CYP26A1: variants seen among roughly 807,000 people sequenced by gnomAD.
CYP26A1 encodes cytochrome P450 family 26 subfamily A member 1.
A neutral mutation model predicts 47.4 loss-of-function variants in CYP26A1; 46 were observed. The observed-to-expected ratio is 0.97, with a 90% CI of 0.77 to 1.24. The LOEUF is 1.24. Among genes scored for constraint, CYP26A1 ranks in the 50% most tolerant of loss-of-function variants. CYP26A1 has a pLI of 0.00. For missense variants in CYP26A1, 680 were observed against 644.4 expected (o/e 1.06, Z -0.60); for synonymous variants, 277 against 263.7 (o/e 1.05, Z -0.49).
chr10:93,076,095 G>A (rs568289307), intron 5 of CYP26A1, 135 bp downstream of exon 5: 65 of 660,620 alleles, frequency 9.8e-5, no homozygotes, highest in African/African-American at 9.4e-4. Context: ...GCGTGGGCCA[G>A]TGGGCAGAAT....
intron 4 of CYP26A1, chr10:93,075,524 T>C: frequency 1.7e-6 from 1 of 600,492 alleles, no homozygotes. Flanking sequence ...CCCTAGCCTT[T>C]CCAGGTTTCA....
At position 93,074,349 on chromosome 10, in the gene CYP26A1, C is replaced by G. The variant is rs551690765; in HGVS notation, c.231C>G (p.Phe77Leu). 2 of 1,611,338 alleles carry G rather than the reference C, an allele frequency of 1.2e-6. No homozygotes were observed. The highest frequency in any genetic ancestry group is 2.7e-5 in the African/African-American group (2 of 74,994). ...AGATGAAGCGCAGGAAATACGGCTTCATCTACAAGACGCATCTGTTCGGGC... is the reference window on the plus strand; with the variant it reads ...AGATGAAGCGCAGGAAATACGGCTTGATCTACAAGACGCATCTGTTCGGGC... ...FLQMKRRKYG[F>L]IYKTHLFGRP... Residue 77 changes from phenylalanine (F) to leucine (L), a missense_variant, in exon 2 of 7, where the codon TTC becomes TTG. By Grantham distance (22) the Phe-to-Leu change is conservative. Transcript: ENST00000224356. This position sits in a 1 kb window ranked among gnomAD's most constrained non-coding sequence, Gnocchi z 5.3.
chr10:93,075,895 C>T lies in CYP26A1; in HGVS notation c.934C>T (p.Leu312=). 4 of 1,611,036 alleles carry T rather than the reference C, an allele frequency of 2.5e-6. No individual in the cohort carries two copies. The South Asian group carries it at 4.4e-5, about 18-fold the overall frequency. The change falls in exon 5 of 7, where the codon CTG becomes TTG. Residue 312 remains leucine, a synonymous_variant. Coordinates refer to ENST00000224356, the MANE Select transcript of CYP26A1 (RefSeq NM_000783.4). ...HETTASAATS[L]ITYLGLYPHV... Reference sequence around the variant, plus strand: ...AACCACGGCCAGTGCAGCCACATCTCTGATCACTTACCTGGGGCTCTACCC... The same window carrying T: ...AACCACGGCCAGTGCAGCCACATCTTTGATCACTTACCTGGGGCTCTACCC...
chr10:93,074,224 G>C lies in CYP26A1; in HGVS notation c.190-84G>C. The stretch of plus-strand genomic sequence containing the variant: ...AGGCGCCCCCGGGAGGCATGCTATT[G>C]CGGCTAGGAGCAGGGCTGGCGGGAG... On this transcript the variant is annotated intron_variant, in intron 1 of 6. Coordinates refer to ENST00000224356, the MANE Select transcript of CYP26A1 (RefSeq NM_000783.4). This position sits in a 1 kb window ranked among gnomAD's most constrained non-coding sequence, Gnocchi z 5.3. 6.6e-7 allele frequency: 1 copy of C among 1,525,988 alleles called. No homozygotes were observed. The highest frequency in any genetic ancestry group is 8.9e-7 in the Non-Finnish European group (1 of 1,124,854). The allele number at this position is 1,525,988 out of a possible 1,614,324, so 94.5% of individuals were successfully genotyped here.
chr10:93,076,525 T>C lies in CYP26A1; in HGVS notation c.1000-19T>C, dbSNP rs377723638. ...GGAGCACAAAATAACTGTTCACCTCTGTATGACTGTTTTGATAGGGTTTAC... is the reference window on the plus strand; with the variant it reads ...GGAGCACAAAATAACTGTTCACCTCCGTATGACTGTTTTGATAGGGTTTAC... On this transcript the variant is annotated intron_variant, in intron 5 of 6. Coordinates refer to ENST00000224356, the MANE Select transcript of CYP26A1 (RefSeq NM_000783.4). 1.9e-6 allele frequency: 3 copies of C among 1,581,870 alleles called. No individual in the cohort carries two copies. The highest frequency in any genetic ancestry group is 2.6e-6 in the Non-Finnish European group (3 of 1,155,656).
rs1266603639 is a variant in CYP26A1 at position 93,074,335 on chromosome 10, A to G, written c.217A>G (p.Arg73Gly). Residue 73 changes from arginine to glycine, a missense_variant, in exon 2 of 7, where the codon AGG becomes GGG. Transcript: ENST00000224356. This position sits in a 1 kb window ranked among gnomAD's most constrained non-coding sequence, Gnocchi z 5.3. Reference sequence around the variant, plus strand: ...GAGGAAGTTCCTGCAGATGAAGCGCAGGAAATACGGCTTCATCTACAAGAC... The same window carrying G: ...GAGGAAGTTCCTGCAGATGAAGCGCGGGAAATACGGCTTCATCTACAAGAC... Reference protein sequence around the residue: ...QRRKFLQMKRRKYGFIYKTHL... With the variant: ...QRRKFLQMKRGKYGFIYKTHL... The G allele has an allele frequency of 6.2e-7, 1 of 1,608,886 alleles. No individual in the cohort carries two copies. The highest frequency in any genetic ancestry group is 8.5e-7 in the Non-Finnish European group (1 of 1,175,960).
chr10:93,076,508 A>G, intron 5 of CYP26A1, 36 bp from the exon 6 acceptor site: 3 of 1,516,554 alleles, frequency 2.0e-6, no homozygotes, highest in Non-Finnish European at 2.7e-6. Flanking sequence ...TTGGAGCACA[A>G]AATAACTGTT....
In CYP26A1 at chr10:93,074,654, A is replaced by G. The variant is rs1331749296; in HGVS notation, c.414+122A>G. ...TGGGCTAGGACCCTCTGCCAGCTCC[A>G]GGTTAGCTTTCCCAGCTCGGAGAGT... is the stretch of plus-strand genomic sequence containing the variant. On this transcript the variant is annotated intron_variant, in intron 2 of 6. Transcript: ENST00000224356. The surrounding 1 kb of genome is among the most constrained non-coding windows in gnomAD (Gnocchi z 5.3). The G allele has an allele frequency of 3.7e-6, 4 of 1,072,746 alleles. No individual in the cohort carries two copies. Among genetic ancestry groups the G allele is most frequent in the East Asian group, 2.4e-5 (1 of 42,058 alleles). The allele number at this position is 1,072,746 out of a possible 1,614,324, so 66.5% of individuals were successfully genotyped here.
rs1846982556 is a variant in CYP26A1 at position 93,076,715 on chromosome 10, C to T, written c.1152+19C>T. ...ATTAAATGTAAGTTAAAATTCTCTT[C>T]TTTCTCCCTTTTGTTGTGGTTTAAA... On this transcript the variant is annotated intron_variant, in intron 6 of 6. Coordinates refer to ENST00000224356, the MANE Select transcript of CYP26A1 (RefSeq NM_000783.4). 6.4e-7 allele frequency: 1 copy of T among 1,569,500 alleles called. No individual in the cohort carries two copies. The highest frequency in any genetic ancestry group is 1.2e-5 in the South Asian group (1 of 86,240).
intron 6 of CYP26A1, 52 bp downstream of exon 6, chr10:93,076,748 C>A: frequency 7.5e-7 from 1 of 1,342,186 alleles, no homozygotes; most frequent in South Asian, 1.3e-5. Flanking sequence ...AAAAACTCCT[C>A]TTTCTTCCCT....
rs1233853321 is a variant in CYP26A1 at position 93,075,308 on chromosome 10, G to C, written c.864+1G>C. 2 of 1,613,156 alleles carry C rather than the reference G, an allele frequency of 1.2e-6. No homozygotes were observed. The highest frequency in any genetic ancestry group is 1.7e-6 in the Non-Finnish European group (2 of 1,179,356). ...GAGGGGAGAGCGGCTGGACATGCAG[G>C]TGAGTAGCAGCTTCAGACCAGGCAC... is the stretch of plus-strand genomic sequence containing the variant. On this transcript the variant is annotated splice_donor_variant, in intron 4 of 6. Coordinates refer to ENST00000224356, the MANE Select transcript of CYP26A1 (RefSeq NM_000783.4). LOFTEE classifies it high-confidence loss of function.
At chr10:93,075,691 C>A in intron 4 of CYP26A1, 135 bp from the exon 5 acceptor site, 1 of 675,336 alleles carries the variant, frequency 1.5e-6, no homozygotes. Flanking sequence ...AAAGATATTG[C>A]TTTCCTTGAC....
chr10:93,074,209 G>T lies in CYP26A1; in HGVS notation c.189+86G>T. On this transcript the variant is annotated intron_variant, in intron 1 of 6. Transcript: ENST00000224356. The surrounding 1 kb of genome is among the most constrained non-coding windows in gnomAD (Gnocchi z 5.3). ...TGCTGAAGTCGGGGTAGGCGCCCCC[G>T]GGAGGCATGCTATTGCGGCTAGGAG... 6.6e-7 allele frequency: 1 copy of T among 1,522,838 alleles called. No individual in the cohort carries two copies. Among genetic ancestry groups the T allele is most frequent in the Non-Finnish European group, 8.8e-7 (1 of 1,130,816 alleles). The allele number at this position is 1,522,838 out of a possible 1,614,324, so 94.3% of individuals were successfully genotyped here. A position where few individuals can be genotyped will look rare whatever the true frequency, so the allele number is the denominator to read the frequency against.
Position 93,076,632 on chromosome 10 carries a change from C to T in CYP26A1, c.1088C>T (p.Thr363Ile). The T allele has an allele frequency of 1.2e-6, 2 of 1,608,960 alleles. No individual in the cohort carries two copies. Among genetic ancestry groups the T allele is most frequent in the Non-Finnish European group, 1.7e-6 (2 of 1,175,356 alleles). The change falls in exon 6 of 7, where the codon ACC (threonine) becomes ATC (isoleucine). Residue 363 changes from threonine to isoleucine, a missense_variant. Thr to Ile is a moderately conservative substitution (Grantham distance 89). Coordinates refer to ENST00000224356, the MANE Select transcript of CYP26A1 (RefSeq NM_000783.4). ...TACATCGGGTGTGTTATTAAGGAGA[C>T]CCTTCGACTGAATCCCCCAGTTCCA... The part of the protein sequence containing the change: ...LKYIGCVIKE[T>I]LRLNPPVPGG...
chr10:93,073,612 C>T (rs996799012), upstream of CYP26A1: 1 of 361,154 alleles, frequency 2.8e-6, no homozygotes, highest in South Asian at 5.1e-5. Context: ...TGGCCCTCCC[C>T]CACCGCCGCC....
intron 5 of CYP26A1, 105 bp downstream of exon 5, chr10:93,076,065 A>G: frequency 4.5e-6 from 4 of 887,450 alleles, no homozygotes; most frequent in East Asian, 4.9e-5. Context: ...GAGTATTTTG[A>G]AAGTGCAGGG....
In CYP26A1 at chr10:93,077,342, G is replaced by A. The variant is rs906646750; in HGVS notation, c.*38G>A. 1.7e-6 allele frequency: 2 copies of A among 1,191,428 alleles called. No homozygotes were observed. Among genetic ancestry groups the A allele is most frequent in the Admixed American group, 5.2e-5 (2 of 38,670 alleles). The allele number at this position is 1,191,428 out of a possible 1,614,324, so 73.8% of individuals were successfully genotyped here. A position where few individuals can be genotyped will look rare whatever the true frequency, so the allele number is the denominator to read the frequency against. On this transcript the variant is annotated 3_prime_UTR_variant, in exon 7 of 7. Coordinates refer to ENST00000224356, the MANE Select transcript of CYP26A1 (RefSeq NM_000783.4). ...TTCAAACCTGAGACTTATTGGAAGT[G>A]TACATATGAGTTTTTAAGGAGTGTT...
In CYP26A1 at chr10:93,074,552, G is replaced by C. The variant is rs748797535; in HGVS notation, c.414+20G>C. 7 of 1,462,732 alleles carry C rather than the reference G, an allele frequency of 4.8e-6. No individual in the cohort carries two copies. The South Asian group carries it at 7.9e-5, about 17-fold the overall frequency. 90.6% of individuals were successfully genotyped at this position (1,462,732 alleles called of 1,614,324 possible). ...AAGAAGGTGGGGGCAGGAGGCGACG[G>C]CTGGACAGGGAGGGGGACCCCATTT... On this transcript the variant is annotated intron_variant, in intron 2 of 6. Coordinates refer to ENST00000224356, the MANE Select transcript of CYP26A1 (RefSeq NM_000783.4). This position sits in a 1 kb window ranked among gnomAD's most constrained non-coding sequence, Gnocchi z 5.3.
In CYP26A1 at chr10:93,074,056, C is replaced by T; in HGVS notation, c.122C>T (p.Ala41Val). The change falls in exon 1 of 7, where the codon GCC (alanine) becomes GTC (valine). Residue 41 changes from alanine to valine, a missense_variant. Transcript: ENST00000224356. The surrounding 1 kb of genome is among the most constrained non-coding windows in gnomAD (Gnocchi z 5.3). Reference protein sequence around the residue: ...YCVSGRDRSCALPLPPGTMGF... With the variant: ...YCVSGRDRSCVLPLPPGTMGF... ...GTGAGCGGCCGCGACCGCAGTTGTG[C>T]CCTCCCATTGCCCCCCGGGACTATG... The T allele has an allele frequency of 1.2e-6, 2 of 1,603,886 alleles. No homozygotes were observed. Among genetic ancestry groups the T allele is most frequent in the Non-Finnish European group, 1.7e-6 (2 of 1,174,056 alleles).
Sources: gnomAD v4.1 joint callset for allele counts on GRCh38, gnomAD v4.1.1 for gene constraint, Gnocchi (gnomAD v3.1) non-coding constraint, MANE v1.5 for transcripts, NCBI Gene and HGNC (gene_info 2026-07-23, HGNC 2026-07-21) for gene names.